CSMD1: variants seen among roughly 807,000 people sequenced by gnomAD.
CSMD1 encodes the protein CUB and sushi domain-containing protein 1.
CSMD1 carries 213 observed loss-of-function variants against 417.5 expected under a neutral mutation model. The ratio of observed to expected loss-of-function variants is 0.51; its 90% CI spans 0.46 to 0.57. CSMD1 has a LOEUF of 0.57. Among genes scored for constraint, CSMD1 ranks in the 20% least tolerant of loss-of-function variants. CSMD1 has a pLI of 0.00. For synonymous variants in CSMD1, 2,862 were observed against 1,736.8 expected (o/e 1.65, Z -16.11); for missense variants, 6,923 against 4,529.7 (o/e 1.53, Z -15.17).
chr8:3,429,675 G>C (rs1400375520), intron 12 of CSMD1, among the ~76,000 whole-genome samples: 4 of 152,148 alleles, frequency 2.6e-5, no homozygotes, highest in Non-Finnish European at 4.4e-5. Flanking sequence ...TTGAATATCT[G>C]CATTTCTTGT....
At chr8:3,768,332 G>C (rs964292448) in intron 5 of CSMD1, among the ~76,000 whole-genome samples, 1 of 152,156 alleles carries the variant, frequency 6.6e-6, no homozygotes, top group African/African-American at 2.4e-5. Context: ...CAACCTAACT[G>C]TGGAAGCTCA....
chr8:4,308,239 T>A (rs576500552), intron 3 of CSMD1, among the ~76,000 whole-genome samples: 1 of 152,084 alleles, frequency 6.6e-6, no homozygotes, highest in East Asian at 1.9e-4. Context: ...TGCAGTCATG[T>A]ATAGTTTTTT....
intron 2 of CSMD1, among the ~76,000 whole-genome samples, chr8:4,427,199 C>T (rs1797608829): frequency 6.6e-6 from 1 of 152,144 alleles, no homozygotes. Context: ...CAGGGACCAT[C>T]TAACGATTCC....
intron 1 of CSMD1, among the ~76,000 whole-genome samples, chr8:4,858,455 G>A (rs983000309): frequency 2.2e-4 from 33 of 150,516 alleles, no homozygotes; most frequent in Non-Finnish European, 3.9e-4. Context: ...TATTCAATTA[G>A]GAAAAGAGGA....
intron 3 of CSMD1, among the ~76,000 whole-genome samples, chr8:4,086,646 G>A (rs10503233): frequency 2.0e-5 from 3 of 151,978 alleles, no homozygotes; most frequent in African/African-American, 7.2e-5. Context: ...TGCACCAAGC[G>A]ATTTCATTCT....
intron 3 of CSMD1, among the ~76,000 whole-genome samples, chr8:4,249,049 T>C (rs1457236596): frequency 1.3e-5 from 2 of 152,176 alleles, no homozygotes; most frequent in Non-Finnish European, 2.9e-5. Context: ...ACTCAATGAA[T>C]TTACTATTAA....
At chr8:2,955,310 CT>C (rs1295955315) in intron 64 of CSMD1, among the ~76,000 whole-genome samples, 1 of 152,170 alleles carries the variant, frequency 6.6e-6, no homozygotes, top group Non-Finnish European at 1.5e-5. Flanking sequence ...AACCAAATAG[CT>C]TTTCTCTTTT....
intron 10 of CSMD1, among the ~76,000 whole-genome samples, chr8:3,523,347 G>A (rs894025272): frequency 1.3e-5 from 2 of 152,230 alleles, no homozygotes; most frequent in South Asian, 2.1e-4. Flanking sequence ...GCAACACAGT[G>A]TCATTCTGAG....
intron 25 of CSMD1, among the ~76,000 whole-genome samples, chr8:3,304,169 G>T (rs1027696590): frequency 6.6e-6 from 1 of 152,026 alleles, no homozygotes; most frequent in African/African-American, 2.4e-5. Flanking sequence ...TAGTATAAAT[G>T]CATAGTAATG....
chr8:2,947,404 C>T (rs2670063), intron 68 of CSMD1, among the ~76,000 whole-genome samples: 47,906 of 152,104 alleles, frequency 0.31, 8,990 homozygotes, highest in East Asian at 0.59. Context: ...TGCAGAATTA[C>T]GTAAACACAA....
At chr8:3,666,979 C>T (rs1470942732) in intron 7 of CSMD1, among the ~76,000 whole-genome samples, 3 of 152,106 alleles carry the variant, frequency 2.0e-5, no homozygotes, top group Admixed American at 6.6e-5. Flanking sequence ...TGTAAGAGCT[C>T]GAATTTTAGC....
intron 5 of CSMD1, among the ~76,000 whole-genome samples, chr8:3,789,396 T>G (rs202184435): frequency 0.49 from 44,280 of 91,016 alleles, 7,490 homozygotes; most frequent in East Asian, 0.61. Flanking sequence ...TAGTGTTTTT[T>G]TTTTTAAGTA....
intron 2 of CSMD1, among the ~76,000 whole-genome samples, chr8:4,464,672 A>T (rs1289264779): frequency 6.6e-6 from 1 of 152,158 alleles, no homozygotes; most frequent in Non-Finnish European, 1.5e-5. Context: ...GCCTGTAGTC[A>T]ATCCTGTAAT....
At chr8:4,530,715 T>G (rs1460284854) in intron 2 of CSMD1, among the ~76,000 whole-genome samples, 3 of 151,410 alleles carry the variant, frequency 2.0e-5, no homozygotes, top group African/African-American at 7.3e-5. Context: ...ATGGTGTATA[T>G]GTGCCACATT....
intron 10 of CSMD1, among the ~76,000 whole-genome samples, chr8:3,505,956 A>G (rs1294375756): frequency 2.6e-5 from 4 of 152,222 alleles, no homozygotes; most frequent in African/African-American, 9.6e-5. Flanking sequence ...AGTTATGTAA[A>G]CCAGAAAGGA....
intron 18 of CSMD1, among the ~76,000 whole-genome samples, chr8:3,385,128 A>T (rs891994147): frequency 1.6e-4 from 6 of 36,972 alleles, no homozygotes; most frequent in East Asian, 8.1e-4. Context: ...ATAATATATA[A>T]ATATATAATA....
chr8:4,277,253 G>A (rs1053755949), intron 3 of CSMD1, among the ~76,000 whole-genome samples: 1 of 151,606 alleles, frequency 6.6e-6, no homozygotes, highest in African/African-American at 2.4e-5. Flanking sequence ...TAATCTTTAA[G>A]AATTTCTTAT....
chr8:4,269,215 C>A (rs1804416048), intron 3 of CSMD1, among the ~76,000 whole-genome samples: 1 of 152,064 alleles, frequency 6.6e-6, no homozygotes, highest in Non-Finnish European at 1.5e-5. Context: ...AGCCACCACA[C>A]CCGGCTAATT....
intron 1 of CSMD1, among the ~76,000 whole-genome samples, chr8:4,917,689 G>C (rs1033179625): frequency 1.2e-4 from 18 of 152,104 alleles, no homozygotes; most frequent in Admixed American, 6.5e-4. Context: ...TTTGGATGGG[G>C]GCATAGAGAC....
Sources: gnomAD v4.1 joint callset for allele counts (sites outside exome capture counted in the v4.1 genomes callset) on GRCh38, gnomAD v4.1.1 for gene constraint, MANE v1.5 for transcripts, NCBI Gene and HGNC (gene_info 2026-07-23, HGNC 2026-07-21) for gene names.